GPM6A: variants seen among roughly 807,000 people sequenced by gnomAD.
The protein encoded by GPM6A is glycoprotein M6A, also known as neuronal membrane glycoprotein M6-a.
Under a neutral mutation model 32.1 loss-of-function variants are expected in GPM6A, and 7 were observed. The observed-to-expected ratio is 0.22, with a 90% CI of 0.12 to 0.41. GPM6A has a LOEUF of 0.41. GPM6A is among the 10% of genes least tolerant of loss of function. GPM6A has a pLI of 1.00. For missense variants in GPM6A, 235 were observed against 347.2 expected (o/e 0.68, Z 2.57); for synonymous variants, 130 against 123.4 (o/e 1.05, Z -0.35).
intron 1 of GPM6A, among the ~76,000 whole-genome samples, chr4:175,803,046 G>C (rs1734534430): frequency 6.6e-6 from 1 of 151,918 alleles, no homozygotes; most frequent in African/African-American, 2.4e-5. Flanking sequence ...CTCTATTTAG[G>C]GGAAAAATTG....
chr4:175,819,821 A>G (rs1735218775), intron 1 of GPM6A, among the ~76,000 whole-genome samples: 1 of 152,176 alleles, frequency 6.6e-6, no homozygotes, highest in Admixed American at 6.5e-5. Context: ...TATTCATCCA[A>G]AAACAAAAAC....
At chr4:175,864,856 G>T (rs1476900218) in intron 1 of GPM6A, among the ~76,000 whole-genome samples, 1 of 150,858 alleles carries the variant, frequency 6.6e-6, no homozygotes, top group Non-Finnish European at 1.5e-5. Context: ...ACCCAGACTG[G>T]AGTGCAGTGG....
intron 1 of GPM6A, among the ~76,000 whole-genome samples, chr4:175,770,246 GA>G (rs1349684992): frequency 6.6e-6 from 1 of 152,102 alleles, no homozygotes; most frequent in Non-Finnish European, 1.5e-5. Context: ...GGTTGGTCTC[GA>G]ACTCCTGACC....
chr4:175,992,404 AG>A (rs1481013423), intron 1 of GPM6A, among the ~76,000 whole-genome samples: 1 of 152,198 alleles, frequency 6.6e-6, no homozygotes, highest in Non-Finnish European at 1.5e-5. Flanking sequence ...TCAGAAAGTC[AG>A]GGTTGAAAAC....
At chr4:175,812,433 A>T (rs1241109245), upstream of GPM6A, 1 of 1,292,554 alleles carries the variant, frequency 7.7e-7, no homozygotes, top group Non-Finnish European at 9.7e-7. Context: ...ACAGGCTGTC[A>T]AGTGTAATTT....
intron 1 of GPM6A, among the ~76,000 whole-genome samples, chr4:175,768,694 C>T (rs1300751090): frequency 6.6e-6 from 1 of 152,114 alleles, no homozygotes; most frequent in Non-Finnish European, 1.5e-5. Flanking sequence ...CTATACTTCA[C>T]ATGTATCACC....
intron 1 of GPM6A, among the ~76,000 whole-genome samples, chr4:175,921,204 A>G (rs9999391): frequency 0.032 from 4,948 of 152,260 alleles, 289 homozygotes; most frequent in African/African-American, 0.11. Context: ...CAATAACAAA[A>G]GATTCAGAAT....
At chr4:175,793,586 G>T (rs1254321987) in intron 1 of GPM6A, among the ~76,000 whole-genome samples, 3 of 152,022 alleles carry the variant, frequency 2.0e-5, no homozygotes, top group Non-Finnish European at 4.4e-5. Flanking sequence ...ATGTTGGCCA[G>T]GCTGGTCTCA....
intron 1 of GPM6A, among the ~76,000 whole-genome samples, chr4:175,889,383 G>A (rs1737560750): frequency 6.6e-6 from 1 of 152,076 alleles, no homozygotes; most frequent in African/African-American, 2.4e-5. Context: ...AAATTAGCCA[G>A]GCATGATGGT....
intron 1 of GPM6A, among the ~76,000 whole-genome samples, chr4:175,762,243 C>T (rs1732777832): frequency 6.6e-6 from 1 of 152,148 alleles, no homozygotes; most frequent in African/African-American, 2.4e-5. Flanking sequence ...TAATATAGTG[C>T]AGGGATGCCA....
chr4:175,929,282 T>C (rs771745493), intron 1 of GPM6A, among the ~76,000 whole-genome samples: 1 of 152,178 alleles, frequency 6.6e-6, no homozygotes, highest in African/African-American at 2.4e-5. Flanking sequence ...ATGCCTGATA[T>C]CACCTATCTC....
chr4:175,716,274 A>T (rs890999313), intron 1 of GPM6A, among the ~76,000 whole-genome samples: 2 of 152,168 alleles, frequency 1.3e-5, no homozygotes, highest in Non-Finnish European at 2.9e-5. Flanking sequence ...CAGAATCATG[A>T]TAATTTTCTA....
intron 1 of GPM6A, among the ~76,000 whole-genome samples, chr4:175,987,175 A>G (rs907086396): frequency 2.0e-5 from 3 of 152,220 alleles, no homozygotes; most frequent in Non-Finnish European, 2.9e-5. Flanking sequence ...AATGTGTAGC[A>G]CTAAGCATTC....
chr4:175,772,621 G>C (rs1733235911), intron 1 of GPM6A, among the ~76,000 whole-genome samples: 1 of 151,884 alleles, frequency 6.6e-6, no homozygotes, highest in South Asian at 2.1e-4. Context: ...CCCTCTGGAG[G>C]AAAGAGGAAA....
intron 2 of GPM6A, among the ~76,000 whole-genome samples, chr4:175,695,897 C>T (rs1296048790): frequency 4.6e-5 from 7 of 152,088 alleles, no homozygotes; most frequent in African/African-American, 1.7e-4. Context: ...GTGATTGGAT[C>T]ATAGGGGTGG....
At chr4:175,688,188 C>G (rs191598016) in intron 2 of GPM6A, among the ~76,000 whole-genome samples, 1 of 152,112 alleles carries the variant, frequency 6.6e-6, no homozygotes, top group Non-Finnish European at 1.5e-5. Context: ...TGCACAGAAG[C>G]TTTTCAGCTC....
intron 1 of GPM6A, among the ~76,000 whole-genome samples, chr4:175,992,005 GAAACA>G (rs1475608692): frequency 3.4e-5 from 5 of 146,688 alleles, no homozygotes; most frequent in Non-Finnish European, 6.0e-5. Flanking sequence ...ATATAAAAAC[GAAACA>G]AATCAATCAA....
chr4:175,923,175 A>G (rs1282812625), intron 1 of GPM6A, among the ~76,000 whole-genome samples: 1 of 150,384 alleles, frequency 6.6e-6, no homozygotes, highest in Non-Finnish European at 1.5e-5. Flanking sequence ...AAACTTTGTC[A>G]AAGACAATCT....
chr4:175,636,679 C>T (rs1308412579), intron 6 of GPM6A, among the ~76,000 whole-genome samples: 1 of 150,736 alleles, frequency 6.6e-6, no homozygotes, highest in East Asian at 2.0e-4. Context: ...GCCTGTAATC[C>T]CAGCTACTCG....
Sources: gnomAD v4.1 joint callset for allele counts (sites outside exome capture counted in the v4.1 genomes callset) on GRCh38, gnomAD v4.1.1 for gene constraint, MANE v1.5 for transcripts, NCBI Gene and HGNC (gene_info 2026-07-23, HGNC 2026-07-21) for gene names.